The following TAFA2 variants were observed in gnomAD, a reference collection of about 807,000 sequenced individuals.
The protein encoded by TAFA2 is chemokine-like protein TAFA-2.
Under a neutral mutation model 18.8 loss-of-function variants are expected in TAFA2, and 7 were observed. The observed-to-expected ratio is 0.37, with a 90% CI of 0.21 to 0.70. The LOEUF is 0.70. Among genes scored for constraint, TAFA2 ranks in the 30% least tolerant of loss-of-function variants. TAFA2 has a pLI of 0.53. For synonymous variants in TAFA2, 60 were observed against 54.2 expected, an observed-to-expected ratio of 1.11 and a Z score of -0.47; for missense variants, 122 against 158.1, an observed-to-expected ratio of 0.77 and a Z score of 1.23.
At chr12:62,231,790 A>G (rs2062813135) in intron 1 of TAFA2, among the ~76,000 whole-genome samples, 2 of 152,336 alleles carry the variant, frequency 1.3e-5, no homozygotes, top group Admixed American at 1.3e-4. Context: ...AGCTAAGGCA[A>G]GATTAATCAA....
At chr12:62,145,396 T>C (rs536454059) in intron 1 of TAFA2, among the ~76,000 whole-genome samples, 3 of 152,344 alleles carry the variant, frequency 2.0e-5, no homozygotes. Flanking sequence ...TATGAAAATC[T>C]AACTAATGCC....
chr12:61,949,478 C>T (rs946700155), intron 1 of TAFA2, among the ~76,000 whole-genome samples: 1 of 152,104 alleles, frequency 6.6e-6, no homozygotes, highest in East Asian at 1.9e-4. Context: ...AGATAACAGA[C>T]AGCCAGTCAA....
intron 2 of TAFA2, among the ~76,000 whole-genome samples, chr12:61,763,023 T>G (rs750478062): frequency 1.3e-5 from 2 of 152,056 alleles, no homozygotes; most frequent in African/African-American, 2.4e-5. Context: ...GAAACAAAAC[T>G]TTCTGAGACA....
chr12:62,234,449 G>A (rs1026898611), intron 1 of TAFA2: 4 of 882,580 alleles, frequency 4.5e-6, no homozygotes, highest in Non-Finnish European at 5.7e-6. Context: ...GAGGGTCCTG[G>A]CCAATGAGTC....
chr12:61,777,572 T>C (rs550216540), intron 2 of TAFA2, among the ~76,000 whole-genome samples: 1 of 151,898 alleles, frequency 6.6e-6, no homozygotes, highest in African/African-American at 2.4e-5. Context: ...TAAGAGTCAA[T>C]AGAACACATA....
chr12:62,109,815 T>G (rs566565709), intron 1 of TAFA2, among the ~76,000 whole-genome samples: 1 of 152,200 alleles, frequency 6.6e-6, no homozygotes, highest in Non-Finnish European at 1.5e-5. Flanking sequence ...CTGTGATTTT[T>G]GCACATTGAT....
In TAFA2 at chr12:62,147,330, A is replaced by ATATATATATATATGTGTG. The variant is rs1565760158; in HGVS notation, c.-2+43928_-2+43929insCACACATATATATATATA. ...TGTGTGTGTGTGTGTATGTATGTAT[A>ATATATATATATATGTGTG]TATATATATATATATATATATATAT... On this transcript the variant is annotated intron_variant, in intron 1 of 4. Transcript: ENST00000416284. Among the ~76,000 whole-genome samples, 107 of 20,842 alleles carry ATATATATATATATGTGTG rather than the reference A, an allele frequency of 5.1e-3. 1 individual carries two copies. Among genetic ancestry groups the ATATATATATATATGTGTG allele is most frequent in the Non-Finnish European group, 7.4e-3 (79 of 10,638 alleles). The allele number at this position is 20,842 out of a possible 152,430, so 13.7% of individuals were successfully genotyped here. A position where few individuals can be genotyped will look rare whatever the true frequency, so the allele number is the denominator to read the frequency against.
chr12:61,887,043 G>C (rs1053981817), intron 1 of TAFA2, among the ~76,000 whole-genome samples: 6 of 152,202 alleles, frequency 3.9e-5, no homozygotes, highest in African/African-American at 1.4e-4. Context: ...AAAGTGCTTA[G>C]AGCAGGACCT....
At chr12:62,021,821 G>C in intron 1 of TAFA2, 1 of 846,728 alleles carries the variant, frequency 1.2e-6, no homozygotes, top group Non-Finnish European at 2.1e-6. Context: ...GGTCTCCGCT[G>C]TGGATCATCA....
intron 1 of TAFA2, among the ~76,000 whole-genome samples, chr12:62,166,228 A>T (rs978369427): frequency 3.9e-5 from 6 of 152,150 alleles, no homozygotes; most frequent in African/African-American, 1.4e-4. Flanking sequence ...ACTAGTTCTC[A>T]CCTATAAGAT....
upstream of TAFA2, among the ~76,000 whole-genome samples, chr12:62,193,430 T>C (rs779780528): frequency 5.3e-5 from 8 of 152,188 alleles, no homozygotes; most frequent in Non-Finnish European, 8.8e-5. Flanking sequence ...ATAGCTGTGA[T>C]TCACTGAAAC....
At chr12:61,839,821 C>A (rs1873097069) in intron 2 of TAFA2, among the ~76,000 whole-genome samples, 1 of 151,922 alleles carries the variant, frequency 6.6e-6, no homozygotes, top group South Asian at 2.1e-4. Flanking sequence ...ACGCAATATA[C>A]CCAAGTAAAA....
At chr12:61,738,865 TTTGAG>T (rs981818902) in intron 4 of TAFA2, among the ~76,000 whole-genome samples, 6 of 152,084 alleles carry the variant, frequency 3.9e-5, no homozygotes, top group Non-Finnish European at 7.4e-5. Context: ...TAGAGGAAGT[TTTGAG>T]TTATTTCCAC....
chr12:61,935,807 T>C (rs940128371), intron 1 of TAFA2, among the ~76,000 whole-genome samples: 1 of 151,476 alleles, frequency 6.6e-6, no homozygotes, highest in African/African-American at 2.4e-5. Flanking sequence ...AGGAAGAAAG[T>C]GAAAACCTGA....
chr12:62,112,459 T>C (rs1286711887), intron 1 of TAFA2, among the ~76,000 whole-genome samples: 2 of 152,166 alleles, frequency 1.3e-5, no homozygotes, highest in Admixed American at 6.5e-5. Context: ...CTGATGATTA[T>C]GTGTCTTGGG....
At chr12:62,050,868 G>A (rs1183012951) in intron 1 of TAFA2, among the ~76,000 whole-genome samples, 3 of 152,120 alleles carry the variant, frequency 2.0e-5, no homozygotes, top group South Asian at 2.1e-4. Context: ...ATAAATTACA[G>A]TTTTATATCC....
chr12:62,237,646 T>G (rs1478906935), intron 1 of TAFA2, among the ~76,000 whole-genome samples: 1 of 152,254 alleles, frequency 6.6e-6, no homozygotes, highest in Non-Finnish European at 1.5e-5. Context: ...TTCTAGTCTT[T>G]GCTATCTGGC....
chr12:62,075,874 T>G (rs1448132999), intron 1 of TAFA2, among the ~76,000 whole-genome samples: 1 of 152,266 alleles, frequency 6.6e-6, no homozygotes, highest in Non-Finnish European at 1.5e-5. Flanking sequence ...TATATGGTTT[T>G]GAATTTGAAT....
chr12:61,805,992 G>A (rs1871594048), intron 2 of TAFA2, among the ~76,000 whole-genome samples: 2 of 152,104 alleles, frequency 1.3e-5, no homozygotes, highest in Non-Finnish European at 1.5e-5. Context: ...AGAAAATAAT[G>A]GAAGGTAACA....
Sources: gnomAD v4.1 joint callset for allele counts (sites outside exome capture counted in the v4.1 genomes callset) on GRCh38, gnomAD v4.1.1 for gene constraint, MANE v1.5 for transcripts, NCBI Gene and HGNC (gene_info 2026-07-23, HGNC 2026-07-21) for gene names.